GPR4: variants seen among roughly 807,000 people sequenced by gnomAD.
GPR4 encodes the protein G protein-coupled receptor 4.
In GPR4, 11 loss-of-function variants were observed where a neutral mutation model predicts 17.8. That is an observed-to-expected ratio of 0.62 (90% CI 0.39 to 1.02). The LOEUF (loss-of-function observed/expected upper bound fraction) is 1.02, where lower values mean the gene tolerates loss of function less well. Among genes scored for constraint, GPR4 ranks in the 50% least tolerant of loss-of-function variants. The probability of loss-of-function intolerance (pLI) is 0.00; values close to 1 mark genes in which losing one functional copy is unlikely to be tolerated. For synonymous variants in GPR4, 219 were observed against 222.8 expected (o/e 0.98, Z 0.15); for missense variants, 364 against 495.4 (o/e 0.73, Z 2.52).
At chr19:45,595,047 C>T (rs1188949051) in intron 1 of GPR4, among the ~76,000 whole-genome samples, 2 of 151,830 alleles carry the variant, frequency 1.3e-5, no homozygotes, top group Admixed American at 1.3e-4. Flanking sequence ...GAGGCCAAGG[C>T]GGGAGGATCA....
rs185484190 is a variant in GPR4 at position 45,593,306 on chromosome 19, C to T, written c.-831-609G>A. 4.5e-3 allele frequency among the ~76,000 whole-genome samples: 679 copies of T among 151,686 alleles called. 21 individuals carry two copies. The highest frequency in any genetic ancestry group is 0.04 in the Admixed American group (611 of 15,178). On this transcript the variant is annotated intron_variant, in intron 1 of 1. Transcript: ENST00000323040. ...ACGAGGTCAGGAGTTCAAGAACAGC[C>T]TGGCCAACATGGTGAAACCCCATCT...
chr19:45,590,490 C>T lies in GPR4; in HGVS notation c.*288G>A, dbSNP rs1252652747. 2.4e-5 allele frequency: 8 copies of T among 340,358 alleles called. No individual in the cohort carries two copies. The highest frequency in any genetic ancestry group is 3.7e-5 in the Non-Finnish European group (7 of 187,094). 21.1% of individuals were successfully genotyped at this position (340,358 alleles called of 1,614,324 possible). On this transcript the variant is annotated 3_prime_UTR_variant, in exon 2 of 2. Transcript: ENST00000323040. Reference sequence around the variant, plus strand: ...AGGAGGTGGAGGCTGCAGTGAGCCACGACTGCACTACTGCACTCCAGCCTG... The same window carrying T: ...AGGAGGTGGAGGCTGCAGTGAGCCATGACTGCACTACTGCACTCCAGCCTG...
rs1190955782 is a variant in GPR4, at chr19:45,594,081, T to A, written c.-831-1384A>T. Among the ~76,000 whole-genome samples the A allele has an allele frequency of 9.6e-5, 12 of 125,254 alleles. 2 individuals carry two copies. Among genetic ancestry groups the A allele is most frequent in the African/African-American group, 3.3e-4 (10 of 30,332 alleles). 82.2% of individuals were successfully genotyped at this position (125,254 alleles called of 152,430 possible). The stretch of plus-strand genomic sequence containing the variant: ...AAAAAAAAATATATATATATATATA[T>A]ATATATATATATAAAATAGATGCAG... On this transcript the variant is annotated intron_variant, in intron 1 of 1. Coordinates refer to ENST00000323040, the MANE Select transcript of GPR4 (RefSeq NM_005282.3).
intron 1 of GPR4, among the ~76,000 whole-genome samples, chr19:45,597,068 A>G (rs1304375345): frequency 6.7e-6 from 1 of 149,660 alleles, no homozygotes; most frequent in Non-Finnish European, 1.5e-5. Flanking sequence ...TCAGTCTGGA[A>G]TGCTCTTTTT....
intron 1 of GPR4, among the ~76,000 whole-genome samples, chr19:45,595,475 G>A (rs1246505979): frequency 1.3e-5 from 2 of 151,980 alleles, no homozygotes; most frequent in Non-Finnish European, 2.9e-5. Flanking sequence ...GTTAGCGCCA[G>A]CAGTCTCCTC....
chr19:45,599,439 CGCCTTCT>C (rs1970091406), intron 1 of GPR4, among the ~76,000 whole-genome samples: 3 of 151,438 alleles, frequency 2.0e-5, no homozygotes, highest in Admixed American at 6.6e-5. Flanking sequence ...CCCCCCTCCC[CGCCTTCT>C]CCCTGCAGCC....
Position 45,591,956 on chromosome 19 carries a change from C to A in GPR4, c.-90G>T. The A allele has an allele frequency of 7.2e-7, 1 of 1,396,888 alleles. No homozygotes were observed. Among genetic ancestry groups the A allele is most frequent in the Non-Finnish European group, 9.6e-7 (1 of 1,037,516 alleles). The allele number at this position is 1,396,888 out of a possible 1,614,324, so 86.5% of individuals were successfully genotyped here. A position where few individuals can be genotyped will look rare whatever the true frequency, so the allele number is the denominator to read the frequency against. ...GGGAGGCCATGGGGCCCCCTGAGCC[C>A]CTTCCTTGGAGGCTCAGGGGAACAT... On this transcript the variant is annotated 5_prime_UTR_variant, in exon 2 of 2. Coordinates refer to ENST00000323040, the MANE Select transcript of GPR4 (RefSeq NM_005282.3). This position sits in a 1 kb window ranked among gnomAD's most constrained non-coding sequence, Gnocchi z 7.6.
Position 45,591,639 on chromosome 19 carries a change from G to A in GPR4, c.228C>T (p.Tyr76=). 1 of 1,614,160 alleles carries A rather than the reference G, an allele frequency of 6.2e-7. No homozygotes were observed. Among genetic ancestry groups the A allele is most frequent in the Non-Finnish European group, 8.5e-7 (1 of 1,179,998 alleles). ...GGATCCAGTTGTCGTGGTGCAGGAAGTAGTCCACCCACAGCGGCAGCGTGC... is the reference window on the plus strand; with the variant it reads ...GGATCCAGTTGTCGTGGTGCAGGAAATAGTCCACCCACAGCGGCAGCGTGC... ...YICTLPLWVD[Y]FLHHDNWIHG... is the part of the protein sequence containing the mutation. Residue 76 remains tyrosine (Y), a synonymous_variant, in exon 2 of 2, where the codon TAC becomes TAT. Transcript: ENST00000323040. This position sits in a 1 kb window ranked among gnomAD's most constrained non-coding sequence, Gnocchi z 7.6.
In GPR4 at chr19:45,591,060, G is replaced by A. The variant is rs1969986991; in HGVS notation, c.807C>T (p.His269=). The A allele has an allele frequency of 6.2e-7, 1 of 1,614,006 alleles. No individual in the cohort carries two copies. The highest frequency in any genetic ancestry group is 8.5e-7 in the Non-Finnish European group (1 of 1,180,044). ...GFEERVFSAY[H]SSLAFTSLNC... is the part of the protein sequence containing the mutation. ...TGAGGCTGGTGAAAGCCAGTGAGCT[G>A]TGGTATGCAGAAAAGACGCGCTCCT... Residue 269 remains histidine, a synonymous_variant, in exon 2 of 2, where the codon CAC becomes CAT. Transcript: ENST00000323040. The surrounding 1 kb of genome is among the most constrained non-coding windows in gnomAD (Gnocchi z 7.6).
chr19:45,593,107 A>G (rs1342614069), intron 1 of GPR4, among the ~76,000 whole-genome samples: 1 of 149,422 alleles, frequency 6.7e-6, no homozygotes, highest in Non-Finnish European at 1.5e-5. Flanking sequence ...CTGAGGTAGG[A>G]GGATCACTTG....
rs1390823924 is a variant in GPR4, at chr19:45,591,973, G to T, written c.-107C>A. 1 of 1,231,978 alleles carries T rather than the reference G, an allele frequency of 8.1e-7. No individual in the cohort carries two copies. Among genetic ancestry groups the T allele is most frequent in the Non-Finnish European group, 1.1e-6 (1 of 893,606 alleles). The allele number at this position is 1,231,978 out of a possible 1,614,324, so 76.3% of individuals were successfully genotyped here. On this transcript the variant is annotated 5_prime_UTR_variant, in exon 2 of 2. It adds an upstream start codon to the 5' untranslated region. Transcript: ENST00000323040. This position sits in a 1 kb window ranked among gnomAD's most constrained non-coding sequence, Gnocchi z 7.6. ...CCTGAGCCCCTTCCTTGGAGGCTCA[G>T]GGGAACATGGTGGGATGTGGTCTAC... is the stretch of plus-strand genomic sequence containing the variant.
chr19:45,592,343 A>T lies in GPR4; in HGVS notation c.-477T>A, dbSNP rs2122541822. The T allele has an allele frequency of 5.9e-6, 1 of 169,386 alleles. No homozygotes were observed. The highest frequency in any genetic ancestry group is 2.4e-5 in the African/African-American group (1 of 41,580). 10.5% of individuals were successfully genotyped at this position (169,386 alleles called of 1,614,324 possible). A position where few individuals can be genotyped will look rare whatever the true frequency, so the allele number is the denominator to read the frequency against. On this transcript the variant is annotated 5_prime_UTR_variant, in exon 2 of 2. Coordinates refer to ENST00000323040, the MANE Select transcript of GPR4 (RefSeq NM_005282.3). ...AGAAGACACAAGAAATACATGAGAA[A>T]GTGTTGAGATAGGACACAGCGCAGT... is the stretch of plus-strand genomic sequence containing the variant.
rs761788269 is a variant in GPR4, at chr19:45,590,743, G to C, written c.*35C>G. ...CAGGAGAGAAGGGACTGTGGGATGA[G>C]AGGGGAAAACTGGGGATTCTGTGCC... On this transcript the variant is annotated 3_prime_UTR_variant, in exon 2 of 2. Transcript: ENST00000323040. 1 of 1,533,892 alleles carries C rather than the reference G, an allele frequency of 6.5e-7. No individual in the cohort carries two copies. Among genetic ancestry groups the C allele is most frequent in the Non-Finnish European group, 8.8e-7 (1 of 1,140,480 alleles).
rs1209772250 is a variant in GPR4 at position 45,591,935 on chromosome 19, G to T, written c.-69C>A. The stretch of plus-strand genomic sequence containing the variant: ...GGCTGTGGGGCCACAGGGAGCGGGA[G>T]GCCATGGGGCCCCCTGAGCCCCTTC... On this transcript the variant is annotated 5_prime_UTR_variant, in exon 2 of 2. Transcript: ENST00000323040. The surrounding 1 kb of genome is among the most constrained non-coding windows in gnomAD (Gnocchi z 7.6). The T allele has an allele frequency of 1.0e-5, 15 of 1,501,270 alleles. No individual in the cohort carries two copies. The highest frequency in any genetic ancestry group is 1.3e-5 in the Non-Finnish European group (15 of 1,125,418). The allele number at this position is 1,501,270 out of a possible 1,614,324, so 93.0% of individuals were successfully genotyped here.
At chr19:45,598,583 T>C (rs1970081739) in intron 1 of GPR4, among the ~76,000 whole-genome samples, 1 of 151,880 alleles carries the variant, frequency 6.6e-6, no homozygotes. Flanking sequence ...CAGACAGCCC[T>C]CTCTTCTTCC....
In GPR4 at chr19:45,590,646, C is replaced by G. The variant is rs1304015361; in HGVS notation, c.*132G>C. ...GTTGACCAGTGACACACCAACCTCA[C>G]TCTTCCTAAGTTCTTGTATTCTTAT... On this transcript the variant is annotated 3_prime_UTR_variant, in exon 2 of 2. Coordinates refer to ENST00000323040, the MANE Select transcript of GPR4 (RefSeq NM_005282.3). 3.3e-6 allele frequency: 4 copies of G among 1,205,074 alleles called. No individual in the cohort carries two copies. The highest frequency in any genetic ancestry group is 4.5e-6 in the Non-Finnish European group (4 of 879,336). The allele number at this position is 1,205,074 out of a possible 1,614,324, so 74.6% of individuals were successfully genotyped here.
intron 1 of GPR4, among the ~76,000 whole-genome samples, chr19:45,600,552 A>G (rs1258042901): frequency 6.6e-6 from 1 of 152,080 alleles, no homozygotes. Context: ...CTCCTCATTG[A>G]GAAGACCTCT....
chr19:45,591,920 C>A lies in GPR4; in HGVS notation c.-54G>T, dbSNP rs988041679. ...CCCCTGGCCCACGGGGGCTGTGGGG[C>A]CACAGGGAGCGGGAGGCCATGGGGC... On this transcript the variant is annotated 5_prime_UTR_variant, in exon 2 of 2. Transcript: ENST00000323040. The surrounding 1 kb of genome is among the most constrained non-coding windows in gnomAD (Gnocchi z 7.6). 6.6e-7 allele frequency: 1 copy of A among 1,518,088 alleles called. No homozygotes were observed. Among genetic ancestry groups the A allele is most frequent in the African/African-American group, 1.4e-5 (1 of 71,838 alleles). 94.0% of individuals were successfully genotyped at this position (1,518,088 alleles called of 1,614,324 possible).
intron 1 of GPR4, among the ~76,000 whole-genome samples, chr19:45,594,066 AT>A (rs1568417196): frequency 3.1e-3 from 100 of 32,582 alleles, no homozygotes; most frequent in African/African-American, 0.015. Context: ...AAAAAAAAAT[AT>A]ATATATATAT....
Sources: gnomAD v4.1 joint callset for allele counts (sites outside exome capture counted in the v4.1 genomes callset) on GRCh38, gnomAD v4.1.1 for gene constraint, Gnocchi (gnomAD v3.1) non-coding constraint, MANE v1.5 for transcripts, NCBI Gene and HGNC (gene_info 2026-07-23, HGNC 2026-07-21) for gene names.